The following GRIK1 variants were observed in gnomAD, a reference collection of about 807,000 sequenced individuals.
GRIK1 encodes glutamate receptor ionotropic, kainate 1.
Under a neutral mutation model 105.7 loss-of-function variants are expected in GRIK1, and 69 were observed. That is an observed-to-expected ratio of 0.65 (90% confidence interval 0.54 to 0.80). The LOEUF (loss-of-function observed/expected upper bound fraction) is 0.80. GRIK1 is among the 30% of genes least tolerant of loss of function. GRIK1 has a pLI of 0.00. For missense variants in GRIK1, 1,109 were observed against 1,167.3 expected (o/e 0.95, Z 0.73); for synonymous variants, 438 against 431.3 (o/e 1.02, Z -0.19).
chr21:29,728,102 A>T (rs930431285), intron 1 of GRIK1, among the ~76,000 whole-genome samples: 5 of 152,166 alleles, frequency 3.3e-5, no homozygotes, highest in African/African-American at 1.2e-4. Flanking sequence ...CTCCAGGAAC[A>T]CCCAGAAATA....
At chr21:29,893,773 T>C (rs1183433595) in intron 1 of GRIK1, among the ~76,000 whole-genome samples, 1 of 152,182 alleles carries the variant, frequency 6.6e-6, no homozygotes, top group African/African-American at 2.4e-5. Flanking sequence ...AAGTAACAAC[T>C]ACAATTCAGT....
At chr21:29,707,084 C>T (rs1461339764) in intron 1 of GRIK1, among the ~76,000 whole-genome samples, 1 of 151,972 alleles carries the variant, frequency 6.6e-6, no homozygotes, top group Non-Finnish European at 1.5e-5. Flanking sequence ...CAGGATGGTC[C>T]TGATCTCCTG....
At chr21:29,726,160 G>A (rs1462527574) in intron 1 of GRIK1, among the ~76,000 whole-genome samples, 3 of 152,208 alleles carry the variant, frequency 2.0e-5, no homozygotes, top group Non-Finnish European at 2.9e-5. Flanking sequence ...GACTGAATGA[G>A]ATTTATCAGT....
chr21:29,913,186 G>A (rs1010185765), intron 1 of GRIK1, among the ~76,000 whole-genome samples: 14 of 152,112 alleles, frequency 9.2e-5, no homozygotes, highest in African/African-American at 2.9e-4. Flanking sequence ...AGATGGGTTC[G>A]AGCCCCAGCT....
chr21:29,878,776 C>T (rs1448575797), intron 1 of GRIK1, among the ~76,000 whole-genome samples: 2 of 152,074 alleles, frequency 1.3e-5, no homozygotes, highest in Non-Finnish European at 2.9e-5. Context: ...GAAGTGGACC[C>T]TCACCAGTCA....
chr21:29,936,010 T>G (rs1351611130), intron 1 of GRIK1, among the ~76,000 whole-genome samples: 1 of 152,236 alleles, frequency 6.6e-6, no homozygotes, highest in Non-Finnish European at 1.5e-5. Flanking sequence ...CATATTGAGC[T>G]CTTACCAATG....
chr21:29,702,520 T>C (rs537418892), intron 1 of GRIK1, among the ~76,000 whole-genome samples: 23 of 152,278 alleles, frequency 1.5e-4, no homozygotes, highest in African/African-American at 5.5e-4. Context: ...GAGACCAGAC[T>C]GGTCAACATG....
At chr21:29,900,479 A>AT (rs2070357355) in intron 1 of GRIK1, among the ~76,000 whole-genome samples, 1 of 149,158 alleles carries the variant, frequency 6.7e-6, no homozygotes, top group South Asian at 2.1e-4. Flanking sequence ...AAAAAAAAAA[A>AT]GCAAGGGTTG....
intron 7 of GRIK1, among the ~76,000 whole-genome samples, chr21:29,637,565 C>G (rs1161412611): frequency 6.6e-6 from 1 of 152,172 alleles, no homozygotes; most frequent in Non-Finnish European, 1.5e-5. Context: ...CACTAGTGCC[C>G]TTATAAAAGA....
chr21:29,756,117 C>T (rs1329225087), intron 1 of GRIK1, among the ~76,000 whole-genome samples: 1 of 152,224 alleles, frequency 6.6e-6, no homozygotes, highest in Non-Finnish European at 1.5e-5. Context: ...CGCGGTGGCT[C>T]ACGCCTGTAA....
At chr21:29,791,635 G>A (rs2066421428) in intron 1 of GRIK1, among the ~76,000 whole-genome samples, 1 of 152,134 alleles carries the variant, frequency 6.6e-6, no homozygotes, top group Non-Finnish European at 1.5e-5. Flanking sequence ...TGGCAAAGAA[G>A]GAAAATTTAT....
chr21:29,635,091 C>T (rs2062368217), intron 7 of GRIK1, among the ~76,000 whole-genome samples: 1 of 152,126 alleles, frequency 6.6e-6, no homozygotes, highest in Non-Finnish European at 1.5e-5. Flanking sequence ...CTCTGACAGA[C>T]AGTTGACAGG....
At chr21:29,663,692 T>G (rs2063009413) in intron 4 of GRIK1, among the ~76,000 whole-genome samples, 1 of 152,180 alleles carries the variant, frequency 6.6e-6, no homozygotes, top group Admixed American at 6.5e-5. Flanking sequence ...TTGCAATACA[T>G]GTTATAATGA....
At chr21:29,913,916 C>T (rs2070906511) in intron 1 of GRIK1, among the ~76,000 whole-genome samples, 1 of 151,930 alleles carries the variant, frequency 6.6e-6, no homozygotes, top group South Asian at 2.1e-4. Context: ...AGGATATACA[C>T]TACTGATTAT....
intron 7 of GRIK1, among the ~76,000 whole-genome samples, chr21:29,616,196 A>G (rs572857074): frequency 3.3e-5 from 5 of 152,308 alleles, no homozygotes; most frequent in African/African-American, 1.2e-4. Context: ...AACATGGAAC[A>G]AAGTCTCCTT....
At chr21:29,889,450 T>C (rs2069809520) in intron 1 of GRIK1, among the ~76,000 whole-genome samples, 3 of 152,134 alleles carry the variant, frequency 2.0e-5, no homozygotes. Context: ...AAATCTATAA[T>C]TGTACTGATC....
At chr21:29,607,736 C>T (rs2061651955) in intron 7 of GRIK1, among the ~76,000 whole-genome samples, 1 of 151,994 alleles carries the variant, frequency 6.6e-6, no homozygotes, top group Non-Finnish European at 1.5e-5. Flanking sequence ...TTTTGTTTTA[C>T]AGATTTGTTT....
chr21:29,745,826 G>T (rs1053270425), intron 1 of GRIK1, among the ~76,000 whole-genome samples: 2 of 152,148 alleles, frequency 1.3e-5, no homozygotes, highest in African/African-American at 4.8e-5. Context: ...AAGAGAGTCC[G>T]GGCATGGTGG....
Position 29,555,059 on chromosome 21 carries a change from A to T in GRIK1, c.2600T>A (p.Ile867Asn). 6.2e-7 allele frequency: 1 copy of T among 1,609,408 alleles called. No homozygotes were observed. ...TAGAAAGAGATGACTCACCTGTTCAATATCATTATTCTTCCGTGATTTGTA... is the reference window on the plus strand; with the variant it reads ...TAGAAAGAGATGACTCACCTGTTCATTATCATTATTCTTCCGTGATTTGTA... Reference protein sequence around the residue: ...FIYKSRKNNDIEQKGKSSRIR... With the variant: ...FIYKSRKNNDNEQKGKSSRIR... The change falls in exon 16 of 18, where the codon ATT becomes AAT. Residue 867 changes from isoleucine to asparagine, a missense_variant. By Grantham distance (149) the Ile-to-Asn change is moderately radical. Around this residue, in one of 5 missense-constraint regions of GRIK1, gnomAD observed 161 missense variants for 143.4 expected, o/e 1.12. Transcript: ENST00000327783.
Sources: allele counts gnomAD v4.1 joint callset (sites outside exome capture counted in the v4.1 genomes callset), GRCh38; gene constraint gnomAD v4.1.1; regional missense constraint gnomAD v4.1.1; transcripts MANE v1.5; gene names NCBI Gene and HGNC (gene_info 2026-07-23, HGNC 2026-07-21).